The following RIMS2 variants were observed in gnomAD, a reference collection of about 807,000 sequenced individuals.
The protein encoded by RIMS2 is regulating synaptic membrane exocytosis protein 2.
A neutral mutation model predicts 174.4 loss-of-function variants in RIMS2; 59 were observed. That is an observed-to-expected ratio of 0.34 (90% confidence interval 0.27 to 0.42). RIMS2 has a LOEUF of 0.42. RIMS2 is among the 10% of genes least tolerant of loss of function. The probability of loss-of-function intolerance (pLI) is 1.00; values close to 1 mark genes in which losing one functional copy is unlikely to be tolerated. For synonymous variants in RIMS2, 606 were observed against 572.5 expected (o/e 1.06, Z -0.84); for missense variants, 1,620 against 1,666.3 (o/e 0.97, Z 0.48).
intron 1 of RIMS2, among the ~76,000 whole-genome samples, chr8:103,535,769 G>A (rs571704402): frequency 1.3e-5 from 2 of 152,324 alleles, no homozygotes; most frequent in African/African-American, 4.8e-5. Flanking sequence ...TCTGAGATTC[G>A]AGTGATGAAG....
rs1421789100 is a variant in RIMS2, at chr8:103,528,663, T to G, written c.176+27601T>G. On this transcript the variant is annotated intron_variant, in intron 1 of 23. Transcript: ENST00000504942. Reference sequence around the variant, plus strand: ...TTAAATAGGGAATCCTTGCCCCATTTCTTGTTTTTGTCAGGTTTGTCAAAG... The same window carrying G: ...TTAAATAGGGAATCCTTGCCCCATTGCTTGTTTTTGTCAGGTTTGTCAAAG... Among the ~76,000 whole-genome samples, 5 of 152,328 alleles carry G rather than the reference T, an allele frequency of 3.3e-5. No homozygotes were observed. The East Asian group carries it at 5.8e-4, about 18-fold the overall frequency.
intron 19 of RIMS2, among the ~76,000 whole-genome samples, chr8:104,096,435 T>C (rs2097763961): frequency 6.6e-6 from 1 of 152,090 alleles, no homozygotes; most frequent in Non-Finnish European, 1.5e-5. Context: ...ATTCTAGAAA[T>C]GTGGTTGATC....
chr8:103,636,431 G>T (rs192750242), intron 1 of RIMS2, among the ~76,000 whole-genome samples: 2 of 152,262 alleles, frequency 1.3e-5, no homozygotes, highest in Non-Finnish European at 2.9e-5. Flanking sequence ...TGAAGGCCCT[G>T]GTTGAGTGGG....
intron 1 of RIMS2, among the ~76,000 whole-genome samples, chr8:103,552,117 G>T (rs746626195): frequency 6.6e-6 from 1 of 151,894 alleles, no homozygotes. Context: ...AGTTCATATA[G>T]AACCAAAAAA....
intron 19 of RIMS2, among the ~76,000 whole-genome samples, chr8:104,186,644 C>T (rs1443736190): frequency 6.6e-6 from 1 of 151,668 alleles, no homozygotes; most frequent in African/African-American, 2.4e-5. Flanking sequence ...TGTTAATATC[C>T]CAGCCAGTGG....
At chr8:104,118,175 A>G (rs2098310521) in intron 19 of RIMS2, among the ~76,000 whole-genome samples, 1 of 152,084 alleles carries the variant, frequency 6.6e-6, no homozygotes, top group Non-Finnish European at 1.5e-5. Context: ...TTATTATAAT[A>G]GATAAAATAT....
intron 4 of RIMS2, among the ~76,000 whole-genome samples, chr8:103,903,899 T>C (rs542555259): frequency 7.9e-5 from 12 of 152,310 alleles, no homozygotes; most frequent in East Asian, 1.9e-4. Flanking sequence ...TGAGATCCTA[T>C]ATATGCTTCA....
intron 19 of RIMS2, among the ~76,000 whole-genome samples, chr8:104,118,196 G>C (rs1241996491): frequency 6.6e-6 from 1 of 151,774 alleles, no homozygotes; most frequent in African/African-American, 2.4e-5. Flanking sequence ...GAAAATTTTA[G>C]AATATTTTAT....
intron 17 of RIMS2, among the ~76,000 whole-genome samples, chr8:103,992,323 G>A (rs894711908): frequency 1.3e-4 from 17 of 127,088 alleles, no homozygotes; most frequent in Admixed American, 5.6e-4. Flanking sequence ...ACGGGGTTTC[G>A]CCATGTTGGC....
At chr8:104,138,851 T>C (rs952458262) in intron 19 of RIMS2, among the ~76,000 whole-genome samples, 1 of 152,216 alleles carries the variant, frequency 6.6e-6, no homozygotes, top group African/African-American at 2.4e-5. Flanking sequence ...CAGACCAGTG[T>C]CCTGGAGAGT....
intron 17 of RIMS2, among the ~76,000 whole-genome samples, chr8:104,003,563 G>A (rs1419860366): frequency 6.6e-6 from 1 of 151,994 alleles, no homozygotes; most frequent in East Asian, 1.9e-4. Context: ...ACAAGCATGT[G>A]CCACTGCATC....
chr8:103,554,624 G>T (rs1037659686), intron 1 of RIMS2, among the ~76,000 whole-genome samples: 2 of 152,108 alleles, frequency 1.3e-5, no homozygotes, highest in African/African-American at 4.8e-5. Context: ...ATGGCAGTTT[G>T]GTGATTTCTC....
At chr8:103,735,125 C>T (rs1463457585) in intron 2 of RIMS2, among the ~76,000 whole-genome samples, 1 of 152,142 alleles carries the variant, frequency 6.6e-6, no homozygotes, top group Non-Finnish European at 1.5e-5. Flanking sequence ...TGGCAGCTTC[C>T]TCCTCTTCTC....
At chr8:103,793,966 A>G (rs957389500) in intron 3 of RIMS2, among the ~76,000 whole-genome samples, 1 of 152,248 alleles carries the variant, frequency 6.6e-6, no homozygotes, top group Non-Finnish European at 1.5e-5. Context: ...TTCCATGCTC[A>G]TGGATAGGAA....
intron 3 of RIMS2, among the ~76,000 whole-genome samples, chr8:103,802,160 G>T (rs369946802): frequency 9.0e-4 from 137 of 152,236 alleles, no homozygotes; most frequent in African/African-American, 3.2e-3. Context: ...ACACCAAAAT[G>T]ACCATTTTTG....
chr8:103,995,027 G>A (rs2094983953), intron 17 of RIMS2, among the ~76,000 whole-genome samples: 1 of 151,896 alleles, frequency 6.6e-6, no homozygotes, highest in Non-Finnish European at 1.5e-5. Flanking sequence ...AAGCAGTAAA[G>A]CCCAACATCA....
chr8:103,722,872 T>A (rs1268128633), intron 2 of RIMS2, among the ~76,000 whole-genome samples: 1 of 152,188 alleles, frequency 6.6e-6, no homozygotes, highest in Non-Finnish European at 1.5e-5. Context: ...TGTGATTTCT[T>A]ATCTCTGGCA....
intron 3 of RIMS2, among the ~76,000 whole-genome samples, chr8:103,877,473 T>A (rs2099146880): frequency 6.6e-6 from 1 of 151,928 alleles, no homozygotes; most frequent in African/African-American, 2.4e-5. Flanking sequence ...GTATAGATTC[T>A]GAAGATTTTC....
At chr8:103,587,426 AAG>A (rs1300772228) in intron 1 of RIMS2, among the ~76,000 whole-genome samples, 7 of 114,590 alleles carry the variant, frequency 6.1e-5, no homozygotes, top group Non-Finnish European at 9.5e-5. Context: ...GAAAGAAAGA[AAG>A]AAAGAAAGAA....
Sources: gnomAD v4.1 joint callset for allele counts (sites outside exome capture counted in the v4.1 genomes callset) on GRCh38, gnomAD v4.1.1 for gene constraint, MANE v1.5 for transcripts, NCBI Gene and HGNC (gene_info 2026-07-23, HGNC 2026-07-21) for gene names.